ASTN2: variants seen among roughly 807,000 people sequenced by gnomAD.
The protein encoded by ASTN2 is astrotactin-2.
In ASTN2, 54 loss-of-function variants were observed where a neutral mutation model predicts 139.8. That is an observed-to-expected ratio of 0.39 (90% CI 0.31 to 0.48). The LOEUF is 0.48. Ranked by LOEUF, ASTN2 falls within the 20% of genes least tolerant of loss-of-function variation. The probability of loss-of-function intolerance (pLI) is 0.95; values close to 1 mark genes in which losing one functional copy is unlikely to be tolerated. For synonymous variants in ASTN2, 756 were observed against 719.5 expected, an observed-to-expected ratio of 1.05 and a Z score of -0.81; for missense variants, 1,565 against 1,725.1, an observed-to-expected ratio of 0.91 and a Z score of 1.64.
chr9:117,412,383 T>C (rs1831192980), intron 1 of ASTN2, among the ~76,000 whole-genome samples: 1 of 152,128 alleles, frequency 6.6e-6, no homozygotes, highest in Admixed American at 6.5e-5. Flanking sequence ...AGTCTCCATG[T>C]GCAGGTTGTT....
intron 13 of ASTN2, among the ~76,000 whole-genome samples, chr9:116,752,650 C>T (rs1829429884): frequency 6.6e-6 from 1 of 152,110 alleles, no homozygotes; most frequent in Non-Finnish European, 1.5e-5. Flanking sequence ...CCAAAATATA[C>T]AAAGAATACT....
chr9:117,055,943 C>A (rs1839049170), intron 5 of ASTN2, among the ~76,000 whole-genome samples: 1 of 152,250 alleles, frequency 6.6e-6, no homozygotes, highest in Non-Finnish European at 1.5e-5. Flanking sequence ...CTCTCTTTGG[C>A]TCTTTTTACT....
intron 3 of ASTN2, among the ~76,000 whole-genome samples, chr9:117,182,178 C>T (rs1831087038): frequency 6.6e-6 from 1 of 151,968 alleles, no homozygotes; most frequent in Non-Finnish European, 1.5e-5. Flanking sequence ...AGAGAGCAGG[C>T]CAGCCTCATG....
chr9:116,791,877 G>T (rs904715077), intron 13 of ASTN2, among the ~76,000 whole-genome samples: 1 of 152,118 alleles, frequency 6.6e-6, no homozygotes, highest in Non-Finnish European at 1.5e-5. Context: ...AACCAAAAAA[G>T]GGGGGAAAGC....
intron 19 of ASTN2, among the ~76,000 whole-genome samples, chr9:116,526,402 A>G (rs756305666): frequency 6.6e-6 from 1 of 152,152 alleles, no homozygotes; most frequent in Non-Finnish European, 1.5e-5. Context: ...ACTTGAGGCC[A>G]GGAGTTTGAG....
intron 13 of ASTN2, among the ~76,000 whole-genome samples, chr9:116,801,212 C>T (rs1467008117): frequency 1.3e-5 from 2 of 152,086 alleles, no homozygotes; most frequent in African/African-American, 4.8e-5. Flanking sequence ...GAAATATTTG[C>T]AGGCTTTCAG....
intron 1 of ASTN2, among the ~76,000 whole-genome samples, chr9:117,397,625 G>A (rs1830711629): frequency 6.6e-6 from 1 of 152,070 alleles, no homozygotes; most frequent in Admixed American, 6.5e-5. Flanking sequence ...TCTAATAATT[G>A]GCAAATGTAT....
Position 116,699,292 on chromosome 9 carries a change from A to G in ASTN2, c.2806+26479T>C. The G allele has an allele frequency of 6.2e-7, 1 of 1,614,190 alleles. No individual in the cohort carries two copies. On this transcript the variant is annotated intron_variant, in intron 16 of 22. Transcript: ENST00000313400. The surrounding 1 kb of genome is among the most constrained non-coding windows in gnomAD (Gnocchi z 4.2). Reference sequence around the variant, plus strand: ...TGCCTATGTAGTGCTGTGCGGCCCAAATTTGTCACCTGTGATGCTGAGGGC... The same window carrying G: ...TGCCTATGTAGTGCTGTGCGGCCCAGATTTGTCACCTGTGATGCTGAGGGC...
chr9:116,467,469 G>A (rs1043663241), intron 20 of ASTN2, among the ~76,000 whole-genome samples: 2 of 152,210 alleles, frequency 1.3e-5, no homozygotes, highest in Non-Finnish European at 2.9e-5. Context: ...GTTTCACCAT[G>A]TTGGCCAGGA....
At chr9:117,302,483 A>G (rs1211404734) in intron 1 of ASTN2, among the ~76,000 whole-genome samples, 1 of 152,166 alleles carries the variant, frequency 6.6e-6, no homozygotes, top group Non-Finnish European at 1.5e-5. Flanking sequence ...GTAATTTAGC[A>G]GTATGCGGGA....
chr9:116,734,472 G>T (rs2132128154), intron 13 of ASTN2, among the ~76,000 whole-genome samples: 2 of 152,266 alleles, frequency 1.3e-5, no homozygotes, highest in Middle Eastern at 3.4e-3. Flanking sequence ...AGTTGGCACG[G>T]ATGGTATCGA....
At chr9:117,217,159 G>A (rs1832350300) in intron 2 of ASTN2, among the ~76,000 whole-genome samples, 1 of 152,112 alleles carries the variant, frequency 6.6e-6, no homozygotes, top group South Asian at 2.1e-4. Context: ...TGCATGAAAA[G>A]GGAAAAGGAA....
chr9:117,112,812 G>C (rs1829282707), intron 4 of ASTN2, among the ~76,000 whole-genome samples: 1 of 151,890 alleles, frequency 6.6e-6, no homozygotes, highest in African/African-American at 2.4e-5. Flanking sequence ...ACTAAGAAAA[G>C]GAAAGACAAG....
At chr9:116,667,158 G>C (rs1246342473) in intron 16 of ASTN2, among the ~76,000 whole-genome samples, 2 of 151,620 alleles carry the variant, frequency 1.3e-5, no homozygotes, top group African/African-American at 2.4e-5. Context: ...AGTTCACCAT[G>C]TTGGCCAGGC....
At chr9:117,380,308 T>C (rs1156599776) in intron 1 of ASTN2, among the ~76,000 whole-genome samples, 1 of 151,962 alleles carries the variant, frequency 6.6e-6, no homozygotes, top group Non-Finnish European at 1.5e-5. Context: ...CAGGATGCTA[T>C]AAAAGAATGA....
chr9:117,224,898 T>C (rs1387949313), intron 2 of ASTN2, among the ~76,000 whole-genome samples: 2 of 152,218 alleles, frequency 1.3e-5, no homozygotes, highest in Non-Finnish European at 2.9e-5. Context: ...TGCTTTTGTC[T>C]GCCAGAGCAT....
chr9:116,592,654 C>A (rs965071777), intron 19 of ASTN2, among the ~76,000 whole-genome samples: 3 of 152,054 alleles, frequency 2.0e-5, no homozygotes, highest in African/African-American at 7.2e-5. Context: ...TTCATGAATG[C>A]AAAACTCACA....
At chr9:116,978,844 A>C (rs1435947831) in intron 7 of ASTN2, among the ~76,000 whole-genome samples, 1 of 152,150 alleles carries the variant, frequency 6.6e-6, no homozygotes, top group African/African-American at 2.4e-5. Context: ...ACTGAGGATG[A>C]GTCAAGATGC....
chr9:116,757,167 G>A (rs1188483693), intron 13 of ASTN2, among the ~76,000 whole-genome samples: 2 of 152,106 alleles, frequency 1.3e-5, no homozygotes, highest in Non-Finnish European at 1.5e-5. Context: ...GTTGTGAGTC[G>A]CCATGCCCTT....
Sources: gnomAD v4.1 joint callset for allele counts (sites outside exome capture counted in the v4.1 genomes callset) on GRCh38, gnomAD v4.1.1 for gene constraint, Gnocchi (gnomAD v3.1) non-coding constraint, MANE v1.5 for transcripts, NCBI Gene and HGNC (gene_info 2026-07-23, HGNC 2026-07-21) for gene names.